EYS: variants seen among roughly 807,000 people sequenced by gnomAD.
EYS encodes EGF-like photoreceptor maintenance factor.
A neutral mutation model predicts 282.1 loss-of-function variants in EYS; 250 were observed. The ratio of observed to expected loss-of-function variants is 0.89; its 90% CI spans 0.80 to 0.98. The LOEUF (loss-of-function observed/expected upper bound fraction) is 0.98, where lower values mean the gene tolerates loss of function less well. EYS is among the 50% of genes least tolerant of loss of function. The probability of loss-of-function intolerance (pLI) is 0.00; values close to 1 mark genes in which losing one functional copy is unlikely to be tolerated. For synonymous variants in EYS, 1,355 were observed against 1,282.9 expected, an observed-to-expected ratio of 1.06 and a Z score of -1.20; for missense variants, 4,016 against 3,709.0, an observed-to-expected ratio of 1.08 and a Z score of -2.15.
At chr6:64,545,816 G>T (rs1057204643) in intron 26 of EYS, among the ~76,000 whole-genome samples, 20 of 152,242 alleles carry the variant, frequency 1.3e-4, no homozygotes, top group African/African-American at 4.8e-4. Context: ...ACTTACAAGG[G>T]ACGTGAAGGA....
At chr6:65,068,519 T>G (rs1041829955) in intron 12 of EYS, among the ~76,000 whole-genome samples, 1 of 152,038 alleles carries the variant, frequency 6.6e-6, no homozygotes, top group African/African-American at 2.4e-5. Context: ...CTCCTTTGAA[T>G]TTTTTTAGTG....
intron 36 of EYS, among the ~76,000 whole-genome samples, chr6:63,851,084 T>A (rs752002158): frequency 6.6e-6 from 1 of 152,202 alleles, no homozygotes; most frequent in Non-Finnish European, 1.5e-5. Flanking sequence ...AAGAAGGGCA[T>A]TACATAATGT....
intron 29 of EYS, among the ~76,000 whole-genome samples, chr6:64,343,982 T>G (rs568070971): frequency 6.6e-6 from 1 of 152,146 alleles, no homozygotes; most frequent in South Asian, 2.1e-4. Flanking sequence ...CCTGGACACA[T>G]ACACACTCCC....
chr6:64,107,424 G>A (rs1450609718), intron 31 of EYS, among the ~76,000 whole-genome samples: 1 of 151,034 alleles, frequency 6.6e-6, no homozygotes, highest in African/African-American at 2.4e-5. Flanking sequence ...TGAAGAACCT[G>A]GAGTCTGATG....
chr6:64,597,372 G>A (rs1384038300), intron 24 of EYS, among the ~76,000 whole-genome samples: 1 of 152,134 alleles, frequency 6.6e-6, no homozygotes. Flanking sequence ...TGGGTATACA[G>A]CCAAAGGAAA....
At chr6:64,857,062 C>G (rs1293697631) in intron 19 of EYS, among the ~76,000 whole-genome samples, 2 of 152,012 alleles carry the variant, frequency 1.3e-5, no homozygotes, top group Non-Finnish European at 2.9e-5. Context: ...TGCCTTTGCT[C>G]TTTGTAAATG....
Position 64,137,150 on chromosome 6 carries a change from C to T in EYS, c.6425-55148G>A, listed in dbSNP as rs150662011. Among the ~76,000 whole-genome samples, 67 of 152,254 alleles carry T rather than the reference C, an allele frequency of 4.4e-4. 1 individual carries two copies. The East Asian group carries it at 0.011, about 25-fold the overall frequency. Reference sequence around the variant, plus strand: ...AGATGGCTTCTTAAACCTCATGAACCAACCTCTGCTGGCTTCAGACTTTTC... The same window carrying T: ...AGATGGCTTCTTAAACCTCATGAACTAACCTCTGCTGGCTTCAGACTTTTC... On this transcript the variant is annotated intron_variant, in intron 31 of 42. Coordinates refer to ENST00000503581, the MANE Select transcript of EYS (RefSeq NM_001142800.2).
chr6:64,115,206 G>A (rs950581748), intron 31 of EYS, among the ~76,000 whole-genome samples: 2 of 152,150 alleles, frequency 1.3e-5, no homozygotes, highest in Non-Finnish European at 2.9e-5. Context: ...TGGATTTCAG[G>A]CTTCTCTTTA....
chr6:65,505,464 C>T (rs1766623567), intron 2 of EYS, among the ~76,000 whole-genome samples: 1 of 151,544 alleles, frequency 6.6e-6, no homozygotes, highest in Non-Finnish European at 1.5e-5. Context: ...GCTGTTATTT[C>T]TCTAGCTTCT....
chr6:64,222,630 T>C (rs1766136684), intron 31 of EYS, among the ~76,000 whole-genome samples: 1 of 152,072 alleles, frequency 6.6e-6, no homozygotes, highest in African/African-American at 2.4e-5. Context: ...TACCATTATT[T>C]AAAATGTTAA....
rs1199238245 is a variant in EYS at position 64,327,108 on chromosome 6, T to C, written c.6079-20026A>G. On this transcript the variant is annotated intron_variant, in intron 29 of 42. Transcript: ENST00000503581. ...CGGGAGAGACCATCATGGGGCGTGATGTGGGGAGGCACGGATCTCTTAGTG... is the reference window on the plus strand; with the variant it reads ...CGGGAGAGACCATCATGGGGCGTGACGTGGGGAGGCACGGATCTCTTAGTG... 3.9e-5 allele frequency among the ~76,000 whole-genome samples: 6 copies of C among 152,100 alleles called. No homozygotes were observed. The East Asian group carries it at 9.7e-4, about 25-fold the overall frequency.
At chr6:65,307,944 A>G (rs1769056638) in intron 11 of EYS, among the ~76,000 whole-genome samples, 1 of 150,588 alleles carries the variant, frequency 6.6e-6, no homozygotes, top group Non-Finnish European at 1.5e-5. Flanking sequence ...AAGTGTGTTT[A>G]TTGAATAAAG....
At chr6:64,125,822 C>A (rs2150277708) in intron 31 of EYS, among the ~76,000 whole-genome samples, 1 of 146,592 alleles carries the variant, frequency 6.8e-6, no homozygotes, top group South Asian at 2.2e-4. Flanking sequence ...TGTCAACTCT[C>A]AAACATCAGA....
chr6:64,852,317 A>T (rs1345702498), intron 19 of EYS, among the ~76,000 whole-genome samples: 1 of 152,154 alleles, frequency 6.6e-6, no homozygotes, highest in Non-Finnish European at 1.5e-5. Context: ...CAGCATGGCC[A>T]GGATACAAAG....
At chr6:64,918,004 A>G (rs1350277082) in intron 15 of EYS, among the ~76,000 whole-genome samples, 1 of 152,128 alleles carries the variant, frequency 6.6e-6, no homozygotes, top group Non-Finnish European at 1.5e-5. Context: ...TTAATGAGCT[A>G]CCGAATTAAA....
At chr6:63,835,708 G>A (rs4710444) in intron 36 of EYS, among the ~76,000 whole-genome samples, 151,192 of 152,146 alleles carry the variant, frequency 0.99, 75,128 homozygotes, top group Middle Eastern at 1. Context: ...ACCACCTGTA[G>A]CCCAATAACT....
intron 1 of EYS, among the ~76,000 whole-genome samples, chr6:65,706,288 G>A (rs1438330337): frequency 6.6e-6 from 1 of 151,392 alleles, no homozygotes; most frequent in Admixed American, 6.6e-5. Context: ...GGTAAGCAAT[G>A]GTCCCTTATT....
At chr6:64,731,454 A>T (rs1006805378) in intron 22 of EYS, among the ~76,000 whole-genome samples, 1 of 152,266 alleles carries the variant, frequency 6.6e-6, no homozygotes, top group African/African-American at 2.4e-5. Context: ...CAAGGAACTT[A>T]AACAAATGTA....
At chr6:64,313,714 A>C (rs1213918932) in intron 29 of EYS, among the ~76,000 whole-genome samples, 11 of 152,244 alleles carry the variant, frequency 7.2e-5, no homozygotes, top group Middle Eastern at 3.4e-3. Context: ...ACCAATATTC[A>C]ACATTCTTAA....
Sources: allele counts gnomAD v4.1 joint callset (sites outside exome capture counted in the v4.1 genomes callset), GRCh38; gene constraint gnomAD v4.1.1; transcripts MANE v1.5; gene names NCBI Gene and HGNC (gene_info 2026-07-23, HGNC 2026-07-21).